CHCHD6: variants seen among roughly 807,000 people sequenced by gnomAD.
CHCHD6 encodes coiled-coil-helix-coiled-coil-helix domain containing 6.
In CHCHD6, 28 loss-of-function variants were observed where a neutral mutation model predicts 32.3. That is an observed-to-expected ratio of 0.87 (90% CI 0.64 to 1.19). The LOEUF (loss-of-function observed/expected upper bound fraction) is 1.19. Among genes scored for constraint, CHCHD6 ranks in the 50% most tolerant of loss-of-function variants. CHCHD6 has a pLI of 0.00. For missense variants in CHCHD6, 333 were observed against 307.0 expected, an observed-to-expected ratio of 1.08 and a Z score of -0.63; for synonymous variants, 122 against 117.5, an observed-to-expected ratio of 1.04 and a Z score of -0.25.
At chr3:126,837,455 G>A (rs1356191417) in intron 4 of CHCHD6, among the ~76,000 whole-genome samples, 2 of 152,174 alleles carry the variant, frequency 1.3e-5, no homozygotes, top group East Asian at 3.9e-4. Context: ...CTACTCGGGA[G>A]GCTGAAGTGG....
At chr3:126,758,344 T>C (rs1450408254) in intron 4 of CHCHD6, among the ~76,000 whole-genome samples, 4 of 152,222 alleles carry the variant, frequency 2.6e-5, no homozygotes, top group Non-Finnish European at 4.4e-5. Context: ...TGTCTGTATG[T>C]TTAATTATGT....
intron 5 of CHCHD6, among the ~76,000 whole-genome samples, chr3:126,865,121 C>CTCCTCCTCCACCACCACCTCCACTTCT (rs1942233951): frequency 7.6e-6 from 1 of 131,560 alleles, no homozygotes; most frequent in African/African-American, 3.0e-5. Flanking sequence ...CCACTTCTTC[C>CTCCTCCTCCACCACCACCTCCACTTCT]TCCTCCTCCT....
intron 4 of CHCHD6, chr3:126,766,737 G>A (rs1164052669): frequency 2.6e-6 from 3 of 1,161,920 alleles, no homozygotes; most frequent in Non-Finnish European, 3.9e-6. Context: ...CTGCTTTTGG[G>A]TATGTGGTAG....
chr3:126,764,866 G>C (rs761663582), intron 4 of CHCHD6, among the ~76,000 whole-genome samples: 36 of 152,280 alleles, frequency 2.4e-4, no homozygotes, highest in Non-Finnish European at 4.9e-4. Flanking sequence ...AGTGGCAGAA[G>C]CTTCTCCCCT....
chr3:126,852,513 C>A, intron 4 of CHCHD6, 134 bp from the exon 5 acceptor site: 1 of 643,842 alleles, frequency 1.6e-6, no homozygotes, highest in Non-Finnish European at 2.9e-6. Context: ...TCTGGCATAT[C>A]ATAAGGTTTT....
chr3:126,777,221 TC>T (rs201259223), intron 4 of CHCHD6, among the ~76,000 whole-genome samples: 8,206 of 152,308 alleles, frequency 0.054, 332 homozygotes, highest in South Asian at 0.19. Flanking sequence ...TCCAAGGTAT[TC>T]AGACTTCAAA....
chr3:126,922,259 T>C (rs2078261362), intron 6 of CHCHD6, among the ~76,000 whole-genome samples: 1 of 152,248 alleles, frequency 6.6e-6, no homozygotes, highest in Non-Finnish European at 1.5e-5. Flanking sequence ...CACAGGAAGC[T>C]CAGCTGGCAG....
intron 3 of CHCHD6, among the ~76,000 whole-genome samples, 194 bp downstream of exon 3, chr3:126,730,824 C>A (rs1218889841): frequency 6.6e-6 from 1 of 152,060 alleles, no homozygotes; most frequent in Non-Finnish European, 1.5e-5. Flanking sequence ...CCAAAAGGGG[C>A]ATAGGGGAAT....
At chr3:126,924,773 A>G (rs10733144) in intron 6 of CHCHD6, among the ~76,000 whole-genome samples, 84,283 of 152,086 alleles carry the variant, frequency 0.55, 25,580 homozygotes, top group Non-Finnish European at 0.68. Flanking sequence ...GGCACAGATG[A>G]GCTGTGATTC....
chr3:126,937,513 G>A (rs2078497973), intron 6 of CHCHD6, among the ~76,000 whole-genome samples: 1 of 152,218 alleles, frequency 6.6e-6, no homozygotes, highest in African/African-American at 2.4e-5. Context: ...CATGGGCTTT[G>A]GAGTCTGATG....
chr3:126,957,638 C>G, intron 7 of CHCHD6, 87 bp downstream of exon 7: 4 of 1,457,392 alleles, frequency 2.7e-6, no homozygotes, highest in Non-Finnish European at 3.7e-6. Context: ...CTCTGCCTGC[C>G]TTTTCCTGTT....
intron 5 of CHCHD6, among the ~76,000 whole-genome samples, chr3:126,879,212 C>T (rs1195989418): frequency 1.3e-5 from 2 of 152,192 alleles, no homozygotes; most frequent in African/African-American, 4.8e-5. Flanking sequence ...GTCAGAATTC[C>T]ATCCAAGATC....
At chr3:126,727,685 A>G (rs1311675577) in intron 2 of CHCHD6, among the ~76,000 whole-genome samples, 1 of 152,128 alleles carries the variant, frequency 6.6e-6, no homozygotes. Context: ...CTGGGCTTCT[A>G]GGAGGGGTCC....
At chr3:126,821,420 C>T (rs1463259105) in intron 4 of CHCHD6, among the ~76,000 whole-genome samples, 1 of 152,138 alleles carries the variant, frequency 6.6e-6, no homozygotes, top group Non-Finnish European at 1.5e-5. Context: ...TACTGAGCCT[C>T]CCGAGTAGCT....
chr3:126,866,792 A>G (rs1942302749), intron 5 of CHCHD6, among the ~76,000 whole-genome samples: 1 of 151,932 alleles, frequency 6.6e-6, no homozygotes, highest in Non-Finnish European at 1.5e-5. Context: ...TTTCATGCAA[A>G]CCCCAGTGAC....
intron 6 of CHCHD6, among the ~76,000 whole-genome samples, chr3:126,928,812 T>G (rs2078361038): frequency 6.6e-6 from 1 of 152,198 alleles, no homozygotes; most frequent in Non-Finnish European, 1.5e-5. Context: ...GTGGCATCCC[T>G]GAAACTGCAG....
intron 4 of CHCHD6, among the ~76,000 whole-genome samples, chr3:126,768,863 C>T (rs756914019): frequency 1.3e-5 from 2 of 152,050 alleles, no homozygotes; most frequent in Admixed American, 6.6e-5. Flanking sequence ...CATGTATGTC[C>T]TTTGCCCACT....
intron 1 of CHCHD6, among the ~76,000 whole-genome samples, chr3:126,721,841 C>T (rs1469228466): frequency 1.3e-5 from 2 of 151,990 alleles, no homozygotes; most frequent in East Asian, 3.9e-4. Context: ...TGGAATACGC[C>T]ACACAGTGTG....
chr3:126,933,845 T>C (rs944452160), intron 6 of CHCHD6, among the ~76,000 whole-genome samples: 1 of 152,226 alleles, frequency 6.6e-6, no homozygotes, highest in African/African-American at 2.4e-5. Flanking sequence ...AAATTTGATG[T>C]TTTTATTTAT....
Sources: gnomAD v4.1 joint callset for allele counts (sites outside exome capture counted in the v4.1 genomes callset) on GRCh38, gnomAD v4.1.1 for gene constraint, MANE v1.5 for transcripts, NCBI Gene and HGNC (gene_info 2026-07-23, HGNC 2026-07-21) for gene names.